The following SPNS3 variants were observed in gnomAD, a reference collection of about 807,000 sequenced individuals.
SPNS3 encodes SPNS lysolipid transporter 3, sphingosine-1-phosphate (putative).
A neutral mutation model predicts 54.4 loss-of-function variants in SPNS3; 51 were observed. The observed-to-expected ratio is 0.94, with a 90% CI of 0.75 to 1.18. The LOEUF is 1.18. Among genes scored for constraint, SPNS3 ranks in the 50% most tolerant of loss-of-function variants. The pLI is 0.00. For missense variants in SPNS3, 669 were observed against 677.4 expected (o/e 0.99, Z 0.14); for synonymous variants, 309 against 294.7 (o/e 1.05, Z -0.50).
In SPNS3 at chr17:4,434,477, T is replaced by G. The variant is rs1235479682; in HGVS notation, c.199+311T>G. ...GAGTTTGAGACCAACCTGGACAACA[T>G]AGTGAGACTCTGTCTCTATTTATTT... On this transcript the variant is annotated intron_variant, in intron 1 of 11. Coordinates refer to ENST00000355530, the MANE Select transcript of SPNS3 (RefSeq NM_182538.5). 5.9e-5 allele frequency among the ~76,000 whole-genome samples: 9 copies of G among 151,434 alleles called. No individual in the cohort carries two copies. The Admixed American group carries it at 6.0e-4, about 10-fold the overall frequency.
intron 8 of SPNS3, among the ~76,000 whole-genome samples, chr17:4,458,324 T>A (rs892800133): frequency 6.6e-6 from 1 of 151,896 alleles, no homozygotes; most frequent in Non-Finnish European, 1.5e-5. Context: ...TTTCTTTTCT[T>A]TTCTTTCCCT....
At chr17:4,455,483 C>A (rs899949556) in intron 8 of SPNS3, among the ~76,000 whole-genome samples, 1 of 152,156 alleles carries the variant, frequency 6.6e-6, no homozygotes, top group African/African-American at 2.4e-5. Context: ...ACTTTGTGGG[C>A]GTTTTGGGGT....
At chr17:4,447,236 C>T (rs912803277) in intron 5 of SPNS3, among the ~76,000 whole-genome samples, 4 of 152,138 alleles carry the variant, frequency 2.6e-5, no homozygotes, top group Admixed American at 6.5e-5. Context: ...GTTTGCCTGT[C>T]GGTAAAGCGG....
At chr17:4,472,774 C>CATTTTT (rs1567572187) in intron 8 of SPNS3, among the ~76,000 whole-genome samples, 21 of 50,974 alleles carry the variant, frequency 4.1e-4, no homozygotes, top group African/African-American at 1.7e-3. Flanking sequence ...GCTTGGCAGC[C>CATTTTT]TTTTTTTTTT....
chr17:4,454,017 C>T (rs1971238772), intron 8 of SPNS3, among the ~76,000 whole-genome samples: 2 of 152,254 alleles, frequency 1.3e-5, no homozygotes, highest in Non-Finnish European at 2.9e-5. Flanking sequence ...CCACCAAGAA[C>T]ACCAGTTCCT....
intron 8 of SPNS3, among the ~76,000 whole-genome samples, chr17:4,473,319 C>T (rs1050018236): frequency 2.6e-5 from 4 of 151,790 alleles, no homozygotes; most frequent in African/African-American, 4.8e-5. Flanking sequence ...ATGTGGCCAC[C>T]ACTGCACAGA....
intron 8 of SPNS3, among the ~76,000 whole-genome samples, chr17:4,462,845 GCACCCACCCACCCACC>G (rs1190260361): frequency 2.9e-4 from 5 of 17,028 alleles, no homozygotes; most frequent in African/African-American, 3.3e-4. Flanking sequence ...ATTCAACCAC[GCACCCACCCACCCACC>G]CACCCACCAA....
intron 1 of SPNS3, among the ~76,000 whole-genome samples, chr17:4,439,281 G>A (rs1033152035): frequency 6.6e-6 from 1 of 152,070 alleles, no homozygotes; most frequent in South Asian, 2.1e-4. Context: ...CCGCCACCAC[G>A]TCCGGCTAAT....
chr17:4,447,710 C>A (rs1333351548), intron 5 of SPNS3, among the ~76,000 whole-genome samples: 1 of 152,110 alleles, frequency 6.6e-6, no homozygotes, highest in Admixed American at 6.5e-5. Flanking sequence ...AGTGAGATCC[C>A]CGTCCTTGGG....
chr17:4,473,163 G>GT (rs1367096677), intron 8 of SPNS3, among the ~76,000 whole-genome samples: 1 of 151,902 alleles, frequency 6.6e-6, no homozygotes, highest in Non-Finnish European at 1.5e-5. Context: ...CTGGCTTACT[G>GT]TTTTTTGCTT....
intron 8 of SPNS3, among the ~76,000 whole-genome samples, chr17:4,471,860 A>ATTTTT (rs766599416): frequency 7.1e-6 from 1 of 141,248 alleles, no homozygotes. Context: ...TTTAGGTTGG[A>ATTTTT]TTTTTTGTTT....
intron 8 of SPNS3, among the ~76,000 whole-genome samples, chr17:4,467,735 G>A (rs769652358): frequency 6.6e-6 from 1 of 151,888 alleles, no homozygotes; most frequent in Admixed American, 6.6e-5. Context: ...GTGTGATCTC[G>A]GCTCACTGCA....
At chr17:4,440,778 G>C (rs919372158) in intron 2 of SPNS3, among the ~76,000 whole-genome samples, 3 of 152,184 alleles carry the variant, frequency 2.0e-5, no homozygotes, top group Non-Finnish European at 4.4e-5. Context: ...GCAAAGCAGA[G>C]AGCATCAAGA....
intron 5 of SPNS3, among the ~76,000 whole-genome samples, chr17:4,447,533 G>A (rs1451177120): frequency 2.6e-5 from 4 of 152,210 alleles, no homozygotes; most frequent in East Asian, 3.9e-4. Context: ...TGCAGGCTGC[G>A]CGCAGACCAC....
chr17:4,470,321 T>C (rs1252384322), intron 8 of SPNS3, among the ~76,000 whole-genome samples: 1 of 151,756 alleles, frequency 6.6e-6, no homozygotes, highest in Non-Finnish European at 1.5e-5. Context: ...CCCAGCTACT[T>C]GGGAGGCTGA....
At chr17:4,481,166 G>T (rs1386951855) in intron 9 of SPNS3, among the ~76,000 whole-genome samples, 1 of 151,998 alleles carries the variant, frequency 6.6e-6, no homozygotes, top group Non-Finnish European at 1.5e-5. Context: ...AGCTGGCATT[G>T]CTTTTCAAGA....
rs1327110264 is a variant in SPNS3, at chr17:4,445,917, G to A, written c.403-131G>A. On this transcript the variant is annotated intron_variant, in intron 3 of 11. Transcript: ENST00000355530. ...AACCTGGAGTGGAGAGGTGTCTGTA[G>A]CCCCGATCCCCTCTCCCTACTCTGG... 3.7e-6 allele frequency: 4 copies of A among 1,082,426 alleles called. No homozygotes were observed. In the African/African-American group the frequency reaches 4.7e-5, roughly 13 times the overall value. 67.1% of individuals were successfully genotyped at this position (1,082,426 alleles called of 1,614,324 possible).
chr17:4,471,288 C>T (rs1190703648), intron 8 of SPNS3, among the ~76,000 whole-genome samples: 1 of 152,072 alleles, frequency 6.6e-6, no homozygotes, highest in African/African-American at 2.4e-5. Context: ...TAAGTAGATT[C>T]AATGTTTGTT....
rs1009489329 is a variant in SPNS3 at position 4,438,078 on chromosome 17, C to T, written c.200-1580C>T. On this transcript the variant is annotated intron_variant, in intron 1 of 11. Transcript: ENST00000355530. The stretch of plus-strand genomic sequence containing the variant: ...CTGGGATTACAGGCGTGAGCCACCA[C>T]GTCCCTCCCTGAGCAAGGATTTTTT... Among the ~76,000 whole-genome samples, 4 of 152,230 alleles carry T rather than the reference C, an allele frequency of 2.6e-5. No individual in the cohort carries two copies. The East Asian group carries it at 5.8e-4, about 22-fold the overall frequency.
Sources: gnomAD v4.1 joint callset for allele counts (sites outside exome capture counted in the v4.1 genomes callset) on GRCh38, gnomAD v4.1.1 for gene constraint, MANE v1.5 for transcripts, NCBI Gene and HGNC (gene_info 2026-07-23, HGNC 2026-07-21) for gene names.